The following PFKM variants were observed in gnomAD, a reference collection of about 807,000 sequenced individuals.
PFKM encodes the protein phosphofructokinase, muscle.
Under a neutral mutation model 95.5 loss-of-function variants are expected in PFKM, and 58 were observed. The ratio of observed to expected loss-of-function variants is 0.61; its 90% CI spans 0.49 to 0.76. The LOEUF is 0.76. Among genes scored for constraint, PFKM ranks in the 30% least tolerant of loss-of-function variants. The probability of loss-of-function intolerance (pLI) is 0.00; values close to 1 mark genes in which losing one functional copy is unlikely to be tolerated. For missense variants in PFKM, 678 were observed against 1,005.4 expected (o/e 0.67, Z 4.40); for synonymous variants, 336 against 357.2 (o/e 0.94, Z 0.67).
intron 2 of PFKM, among the ~76,000 whole-genome samples, chr12:48,125,824 G>A (rs1314599172): frequency 6.6e-6 from 1 of 151,978 alleles, no homozygotes. Context: ...CTATTCTAAG[G>A]TTTATAATTT....
chr12:48,105,691 C>T, upstream of PFKM: 1 of 459,436 alleles, frequency 2.2e-6, no homozygotes, highest in Non-Finnish European at 4.0e-6. Flanking sequence ...CGGGAAAGCC[C>T]CGGAATCGCA....
Position 48,145,752 on chromosome 12 carries a change from C to T in PFKM, c.*44C>T. 1.3e-6 allele frequency: 2 copies of T among 1,595,038 alleles called. No individual in the cohort carries two copies. Among genetic ancestry groups the T allele is most frequent in the Non-Finnish European group, 1.7e-6 (2 of 1,162,802 alleles). Reference sequence around the variant, plus strand: ...GAATAGATTACCTGATCATGGTCAGCTCACACCCTAATAAGTCCACATCTT... The same window carrying T: ...GAATAGATTACCTGATCATGGTCAGTTCACACCCTAATAAGTCCACATCTT... On this transcript the variant is annotated 3_prime_UTR_variant, in exon 23 of 23. Coordinates refer to ENST00000359794, the MANE Select transcript of PFKM (RefSeq NM_000289.6). The surrounding 1 kb of genome is among the most constrained non-coding windows in gnomAD (Gnocchi z 4.3).
At chr12:48,135,498 T>TC (rs1949990612) in intron 10 of PFKM, 115 bp downstream of exon 10, 1 of 715,694 alleles carries the variant, frequency 1.4e-6, no homozygotes. Flanking sequence ...GCATTGCCTC[T>TC]CCACCAGCCT....
rs1044648366 is a variant in PFKM, at chr12:48,145,973, T to A, written c.*265T>A. 1.0e-5 allele frequency: 5 copies of A among 484,344 alleles called. No homozygotes were observed. The highest frequency in any genetic ancestry group is 5.8e-5 in the African/African-American group (3 of 51,950). 30.0% of individuals were successfully genotyped at this position (484,344 alleles called of 1,614,324 possible). ...TCTAGTGCTACTGCTAGATATCACTTACTCAGTTAGAATTTTCCTAAAAAT... is the reference window on the plus strand; with the variant it reads ...TCTAGTGCTACTGCTAGATATCACTAACTCAGTTAGAATTTTCCTAAAAAT... On this transcript the variant is annotated 3_prime_UTR_variant, in exon 23 of 23. Transcript: ENST00000359794. The surrounding 1 kb of genome is among the most constrained non-coding windows in gnomAD (Gnocchi z 4.3).
chr12:48,127,990 A>T (rs1199220161), intron 2 of PFKM, among the ~76,000 whole-genome samples: 1 of 152,102 alleles, frequency 6.6e-6, no homozygotes, highest in Non-Finnish European at 1.5e-5. Flanking sequence ...GTGCCTGCCC[A>T]CCTGTAGAGC....
intron 1 of PFKM, among the ~76,000 whole-genome samples, chr12:48,106,791 T>C (rs1946674188): frequency 6.6e-6 from 1 of 152,100 alleles, no homozygotes; most frequent in Non-Finnish European, 1.5e-5. Flanking sequence ...TCTGGAGGAA[T>C]TTGAAACAGG....
At chr12:48,118,658 G>C, upstream of PFKM, 1 of 785,474 alleles carries the variant, frequency 1.3e-6, no homozygotes, top group Non-Finnish European at 2.2e-6. Context: ...TTGCTGTGAA[G>C]CCCAATTTAT....
At chr12:48,142,244 A>C (rs1950637101) in intron 17 of PFKM, 178 bp downstream of exon 17, 1 of 690,086 alleles carries the variant, frequency 1.4e-6, no homozygotes, top group Admixed American at 2.1e-5. Context: ...AGGCCAAGGC[A>C]GGCAGATCAC....
chr12:48,134,749 T>C lies in PFKM; in HGVS notation c.667T>C (p.Cys223Arg). 1 of 1,614,088 alleles carries C rather than the reference T, an allele frequency of 6.2e-7. No homozygotes were observed. The highest frequency in any genetic ancestry group is 8.5e-7 in the Non-Finnish European group (1 of 1,179,904). Residue 223 changes from cysteine to arginine, a missense_variant, in exon 8 of 23, where the codon TGT becomes CGT. By Grantham distance (180) the Cys-to-Arg change is radical (BLOSUM62 -3). Transcript: ENST00000359794. The part of the protein sequence containing the change: ...GYLALVTSLS[C>R]GADWVFIPEC... Reference sequence around the variant, plus strand: ...CCTGGCCCTTGTCACCTCTCTGTCCTGTGGGGCCGACTGGGTTTTTATTCC... The same window carrying C: ...CCTGGCCCTTGTCACCTCTCTGTCCCGTGGGGCCGACTGGGTTTTTATTCC...
At chr12:48,106,413 T>G in intron 1 of PFKM, 1 of 453,018 alleles carries the variant, frequency 2.2e-6, no homozygotes. Context: ...GCGTTCCAGT[T>G]TCCATGGCAG....
chr12:48,142,439 C>T (rs1950654766), intron 17 of PFKM: 8 of 433,470 alleles, frequency 1.8e-5, no homozygotes, highest in South Asian at 1.7e-4. Context: ...TGCCACTTTA[C>T]TCCAGCCTGG....
At chr12:48,139,701 C>A in intron 12 of PFKM, 148 bp from the exon 13 acceptor site, 2 of 710,162 alleles carry the variant, frequency 2.8e-6, no homozygotes, top group Non-Finnish European at 5.2e-6. Context: ...GCAGCCCCTG[C>A]CCTGTCCCTG....
intron 2 of PFKM, among the ~76,000 whole-genome samples, chr12:48,126,411 A>C (rs1948840513): frequency 6.6e-6 from 1 of 152,218 alleles, no homozygotes; most frequent in Non-Finnish European, 1.5e-5. Context: ...CTAGGAAAAC[A>C]CTCAGATATT....
chr12:48,131,599 G>A, intron 4 of PFKM: 1 of 618,596 alleles, frequency 1.6e-6, no homozygotes, highest in Non-Finnish European at 2.9e-6. Flanking sequence ...GTGGAGGAGT[G>A]ATCACAGGAT....
At chr12:48,127,394 T>G (rs796227819) in intron 2 of PFKM, among the ~76,000 whole-genome samples, 7 of 152,308 alleles carry the variant, frequency 4.6e-5, no homozygotes, top group African/African-American at 1.7e-4. Context: ...CAAATATGAA[T>G]GTATCACCCC....
chr12:48,140,784 T>G lies in PFKM; in HGVS notation c.1254T>G (p.Ala418=), dbSNP rs1592789513. The change falls in exon 14 of 23, where the codon GCT becomes GCG. Residue 418 remains alanine, a synonymous_variant. Coordinates refer to ENST00000359794, the MANE Select transcript of PFKM (RefSeq NM_000289.6). ...VGAPAAGMNA[A]VRSTVRIGLI... ...CTCCGGCTGCAGGCATGAATGCTGC[T>G]GTTCGCTCCACTGTGAGGATTGGCC... is the stretch of plus-strand genomic sequence containing the variant. 7 of 1,614,184 alleles carry G rather than the reference T, an allele frequency of 4.3e-6. No individual in the cohort carries two copies. In the East Asian group the frequency reaches 1.3e-4, roughly 31 times the overall value.
intron 13 of PFKM, 27 bp downstream of exon 13, chr12:48,139,939 C>G: frequency 6.7e-7 from 1 of 1,497,656 alleles, no homozygotes; most frequent in Non-Finnish European, 9.3e-7. Context: ...TTGCCCTCTC[C>G]CCTTTTCCTT....
rs748796191 is a variant in PFKM at position 48,139,923 on chromosome 12, G to T, written c.1191+11G>T. 3 of 1,590,132 alleles carry T rather than the reference G, an allele frequency of 1.9e-6. No homozygotes were observed. Among genetic ancestry groups the T allele is most frequent in the African/African-American group, 2.7e-5 (2 of 74,410 alleles). On this transcript the variant is annotated intron_variant, in intron 13 of 22. Transcript: ENST00000359794. The stretch of plus-strand genomic sequence containing the variant: ...CCCCCGGTATCTAAGGTACTGGCAA[G>T]TTGACTTGCCCTCTCCCCTTTTCCT...
Position 48,140,175 on chromosome 12 carries a change from TG to T in PFKM, c.1191+266del, listed in dbSNP as rs1299400332. On this transcript the variant is annotated intron_variant, in intron 13 of 22. Coordinates refer to ENST00000359794, the MANE Select transcript of PFKM (RefSeq NM_000289.6). Reference sequence around the variant, plus strand: ...GACTGGCAAGATAGCATGCAAAGAATGGGAAAGAGGGCTTATGTACTTTTTC... The same window carrying T: ...GACTGGCAAGATAGCATGCAAAGAATGGAAAGAGGGCTTATGTACTTTTTC... Among the ~76,000 whole-genome samples the T allele has an allele frequency of 3.3e-5, 5 of 152,338 alleles. No individual in the cohort carries two copies. In the East Asian group the frequency reaches 9.6e-4, roughly 29 times the overall value.
Sources: allele counts gnomAD v4.1 joint callset (sites outside exome capture counted in the v4.1 genomes callset), GRCh38; gene constraint gnomAD v4.1.1; non-coding constraint Gnocchi (gnomAD v3.1); transcripts MANE v1.5; gene names NCBI Gene and HGNC (gene_info 2026-07-23, HGNC 2026-07-21).